The following NSMCE1 variants were observed in gnomAD, a reference collection of about 807,000 sequenced individuals.
NSMCE1 encodes the protein non-structural maintenance of chromosomes element 1 homolog.
Under a neutral mutation model 29.6 loss-of-function variants are expected in NSMCE1, and 18 were observed. The ratio of observed to expected loss-of-function variants is 0.61; its 90% CI spans 0.42 to 0.90. The LOEUF (loss-of-function observed/expected upper bound fraction) is 0.90. Ranked by LOEUF, NSMCE1 falls within the 40% of genes least tolerant of loss-of-function variation. The pLI is 0.00. For missense variants in NSMCE1, 314 were observed against 343.6 expected, an observed-to-expected ratio of 0.91 and a Z score of 0.68; for synonymous variants, 124 against 133.4, an observed-to-expected ratio of 0.93 and a Z score of 0.49.
chr16:27,233,999 C>A (rs995757775), intron 4 of NSMCE1, 189 bp downstream of exon 4: 3 of 561,880 alleles, frequency 5.3e-6, no homozygotes, highest in African/African-American at 1.9e-5. Context: ...GCCATGGGGA[C>A]CCCCTGGCAG....
At chr16:27,241,509 G>A (rs1210074457) in intron 2 of NSMCE1, 2 of 178,678 alleles carry the variant, frequency 1.1e-5, no homozygotes, top group Non-Finnish European at 2.4e-5. Context: ...GGGCTGGTGG[G>A]CAGGACACGG....
intron 1 of NSMCE1, among the ~76,000 whole-genome samples, chr16:27,266,841 C>T (rs183934176): frequency 5.9e-5 from 9 of 151,944 alleles, no homozygotes; most frequent in African/African-American, 1.9e-4. Context: ...ACAAAAACTC[C>T]CTAAATTCAA....
intron 2 of NSMCE1, among the ~76,000 whole-genome samples, chr16:27,239,424 A>G (rs946296562): frequency 4.6e-5 from 7 of 152,188 alleles, no homozygotes; most frequent in Non-Finnish European, 1.0e-4. Flanking sequence ...TGACCTCAAT[A>G]TTCTACGAGC....
At chr16:27,231,835 G>A (rs574561863) in intron 5 of NSMCE1, among the ~76,000 whole-genome samples, 182 of 152,204 alleles carry the variant, frequency 1.2e-3, no homozygotes, top group African/African-American at 2.1e-3. Context: ...CAGGGTGTCC[G>A]ACGTCATCCA....
chr16:27,234,158 C>T, intron 4 of NSMCE1, 30 bp downstream of exon 4: 2 of 1,451,316 alleles, frequency 1.4e-6, no homozygotes, highest in Non-Finnish European at 1.9e-6. Flanking sequence ...AGAAGCCCAC[C>T]CAATGGGCAA....
At chr16:27,267,963 G>A (rs1297609077) in intron 1 of NSMCE1, among the ~76,000 whole-genome samples, 3 of 151,986 alleles carry the variant, frequency 2.0e-5, no homozygotes, top group East Asian at 1.9e-4. Context: ...GGCTGGTTTC[G>A]AACTCCGAAC....
At position 27,235,247 on chromosome 16, in the gene NSMCE1, G is replaced by C; in HGVS notation, c.189C>G (p.Val63=). 1 of 1,613,332 alleles carries C rather than the reference G, an allele frequency of 6.2e-7. No individual in the cohort carries two copies. Among genetic ancestry groups the C allele is most frequent in the Non-Finnish European group, 8.5e-7 (1 of 1,179,404 alleles). Residue 63 remains valine, a synonymous_variant, in exon 3 of 8, where the codon GTC becomes GTG. Coordinates refer to ENST00000361439, the MANE Select transcript of NSMCE1 (RefSeq NM_145080.4). ...TTATCTCAATATACAAGGACTCCAAGACACTGTTAATGTTGTTGATGAAGT... is the reference window on the plus strand; with the variant it reads ...TTATCTCAATATACAAGGACTCCAACACACTGTTAATGTTGTTGATGAAGT... ...LEDFINNINS[V]LESLYIEIKR...
At chr16:27,230,424 C>T (rs909595671) in intron 5 of NSMCE1, among the ~76,000 whole-genome samples, 7 of 152,176 alleles carry the variant, frequency 4.6e-5, no homozygotes, top group Non-Finnish European at 1.0e-4. Context: ...TAAGTGAGCA[C>T]CCGCCCCGGT....
chr16:27,233,150 G>C lies in NSMCE1; in HGVS notation c.337-3C>G, dbSNP rs768527885. ...TCTGAGTCAATAATCAGTTCCAGCT[G>C]GAAGAAAGAGCAGGTATCATGCTCA... is the stretch of plus-strand genomic sequence containing the variant. On this transcript the variant is annotated splice_polypyrimidine_tract_variant and splice_region_variant and intron_variant, in intron 4 of 7. Coordinates refer to ENST00000361439, the MANE Select transcript of NSMCE1 (RefSeq NM_145080.4). 2.5e-6 allele frequency: 4 copies of C among 1,610,132 alleles called. No homozygotes were observed. The highest frequency in any genetic ancestry group is 1.7e-4 in the Middle Eastern group (1 of 6,038).
intron 5 of NSMCE1, among the ~76,000 whole-genome samples, chr16:27,231,651 A>G (rs2083763600): frequency 6.6e-6 from 1 of 151,874 alleles, no homozygotes; most frequent in Non-Finnish European, 1.5e-5. Flanking sequence ...AAAAAAAAAA[A>G]AATTGGCCTG....
At chr16:27,261,179 A>T (rs2141011252) in intron 1 of NSMCE1, among the ~76,000 whole-genome samples, 2 of 150,880 alleles carry the variant, frequency 1.3e-5, no homozygotes, top group Middle Eastern at 6.8e-3. Flanking sequence ...AAAAAAAAAA[A>T]AAAAGAAACT....
At chr16:27,229,466 G>A (rs2083740469) in intron 5 of NSMCE1, among the ~76,000 whole-genome samples, 1 of 152,228 alleles carries the variant, frequency 6.6e-6, no homozygotes, top group Admixed American at 6.5e-5. Context: ...CACTTGGCAG[G>A]CCTGTGATAA....
intron 1 of NSMCE1, among the ~76,000 whole-genome samples, chr16:27,261,151 A>C (rs141218664): frequency 0.027 from 3,806 of 142,734 alleles, 70 homozygotes; most frequent in Middle Eastern, 0.052. Flanking sequence ...TGGGTGACAA[A>C]GCAAGACTCC....
intron 2 of NSMCE1, among the ~76,000 whole-genome samples, chr16:27,248,076 A>G (rs1277321580): frequency 6.6e-6 from 1 of 152,212 alleles, no homozygotes; most frequent in East Asian, 1.9e-4. Flanking sequence ...GTATGGATTT[A>G]TCACAGTCTG....
chr16:27,234,339 C>T (rs2083796145), intron 3 of NSMCE1, 74 bp from the exon 4 acceptor site: 1 of 942,078 alleles, frequency 1.1e-6, no homozygotes, highest in Non-Finnish European at 1.8e-6. Context: ...GCTCTCCCTC[C>T]CTCCCCTCCT....
rs1047770991 is a variant in NSMCE1, at chr16:27,268,718, G to A, written c.-24C>T. ...CCACGTTACCCACCAGGGAGCCCAA[G>A]CGCATCCCAGGCCGCGCTAGCGGAT... On this transcript the variant is annotated 5_prime_UTR_variant, in exon 1 of 8. Transcript: ENST00000361439. 6.5e-6 allele frequency: 1 copy of A among 152,802 alleles called. No individual in the cohort carries two copies. Among genetic ancestry groups the A allele is most frequent in the East Asian group, 1.9e-4 (1 of 5,184 alleles). The allele number at this position is 152,802 out of a possible 1,614,324, so 9.5% of individuals were successfully genotyped here.
At position 27,257,446 on chromosome 16, in the gene NSMCE1, T is replaced by C. The variant is rs937153015; in HGVS notation, c.125A>G (p.Lys42Arg). ...DVKRLQTHCY[K>R]VHDRNATVDK... ...GAAACGGTACTCACGGTCATGGACCTTGTAGCAGTGCGTCTGCAAGCGCTT... is the reference window on the plus strand; with the variant it reads ...GAAACGGTACTCACGGTCATGGACCCTGTAGCAGTGCGTCTGCAAGCGCTT... The change falls in exon 2 of 8, where the codon AAG becomes AGG. Residue 42 changes from lysine to arginine, a missense_variant. By Grantham distance (26) the Lys-to-Arg change is conservative. Transcript: ENST00000361439. 3.1e-6 allele frequency: 5 copies of C among 1,612,584 alleles called. No individual in the cohort carries two copies. The highest frequency in any genetic ancestry group is 3.4e-6 in the Non-Finnish European group (4 of 1,179,318).
chr16:27,264,654 T>C (rs958459061), intron 1 of NSMCE1, among the ~76,000 whole-genome samples: 2 of 152,118 alleles, frequency 1.3e-5, no homozygotes, highest in African/African-American at 4.8e-5. Context: ...AAGGTCATAA[T>C]AAGGAAAAAT....
At chr16:27,250,419 T>C (rs538944477) in intron 2 of NSMCE1, among the ~76,000 whole-genome samples, 2 of 152,346 alleles carry the variant, frequency 1.3e-5, no homozygotes, top group East Asian at 3.9e-4. Flanking sequence ...TTCCCTTCTT[T>C]TCTCACTTTG....
Sources: gnomAD v4.1 joint callset for allele counts (sites outside exome capture counted in the v4.1 genomes callset) on GRCh38, gnomAD v4.1.1 for gene constraint, MANE v1.5 for transcripts, NCBI Gene and HGNC (gene_info 2026-07-23, HGNC 2026-07-21) for gene names.